Variants in NEK10 observed in about 807,000 individuals in gnomAD.
NEK10 encodes NIMA related kinase 10, also known as serine/threonine-protein kinase Nek10.
NEK10 carries 122 observed loss-of-function variants against 159.8 expected under a neutral mutation model. The ratio of observed to expected loss-of-function variants is 0.76; its 90% CI spans 0.66 to 0.89. The LOEUF (loss-of-function observed/expected upper bound fraction) is 0.89, where lower values mean the gene tolerates loss of function less well. NEK10 is among the 40% of genes least tolerant of loss of function. NEK10 has a pLI of 0.00. For synonymous variants in NEK10, 466 were observed against 457.1 expected (o/e 1.02, Z -0.25); for missense variants, 1,342 against 1,323.1 (o/e 1.01, Z -0.22).
chr3:27,318,901 T>C (rs1159573815), intron 6 of NEK10, among the ~76,000 whole-genome samples: 1 of 151,678 alleles, frequency 6.6e-6, no homozygotes, highest in African/African-American at 2.4e-5. Context: ...TTGGAAGATA[T>C]GGGAGAAGAC....
chr3:27,317,258 A>G (rs2045273376), intron 6 of NEK10, among the ~76,000 whole-genome samples: 1 of 152,218 alleles, frequency 6.6e-6, no homozygotes, highest in Admixed American at 6.5e-5. Context: ...TGTAAACTAA[A>G]GAAAACCATG....
At chr3:27,345,089 A>T (rs911598767) in intron 4 of NEK10, among the ~76,000 whole-genome samples, 8 of 152,248 alleles carry the variant, frequency 5.3e-5, no homozygotes, top group Admixed American at 5.2e-4. Flanking sequence ...ATGATACAAT[A>T]TTTTTGTGCA....
intron 32 of NEK10, among the ~76,000 whole-genome samples, chr3:27,125,657 A>T (rs142447380): frequency 2.0e-3 from 310 of 152,300 alleles, no homozygotes; most frequent in Non-Finnish European, 3.4e-3. Context: ...TTTCTTATAC[A>T]TACACACACA....
At chr3:27,305,257 T>C (rs2044146344) in intron 11 of NEK10, among the ~76,000 whole-genome samples, 1 of 152,202 alleles carries the variant, frequency 6.6e-6, no homozygotes, top group African/African-American at 2.4e-5. Flanking sequence ...TAAATCTTTA[T>C]TTACAAAAAT....
intron 26 of NEK10, among the ~76,000 whole-genome samples, chr3:27,177,352 G>A (rs750529365): frequency 3.9e-5 from 6 of 152,046 alleles, no homozygotes; most frequent in East Asian, 1.9e-4. Context: ...GATCATCCTG[G>A]CTAACACAGT....
chr3:27,286,359 T>G (rs2042606730), intron 20 of NEK10, among the ~76,000 whole-genome samples: 1 of 151,478 alleles, frequency 6.6e-6, no homozygotes, highest in South Asian at 2.1e-4. Flanking sequence ...GTGGTGGGAT[T>G]ACAAGTGTGA....
intron 23 of NEK10, among the ~76,000 whole-genome samples, chr3:27,232,277 G>C (rs1953378029): frequency 6.6e-6 from 1 of 151,628 alleles, no homozygotes; most frequent in Admixed American, 6.6e-5. Flanking sequence ...GAATGACCAA[G>C]CTGAGAATCA....
At chr3:27,294,698 A>G (rs1438962885) in intron 15 of NEK10, among the ~76,000 whole-genome samples, 1 of 152,096 alleles carries the variant, frequency 6.6e-6, no homozygotes, top group Non-Finnish European at 1.5e-5. Context: ...TTTGGCCATC[A>G]TTTTGGATGA....
chr3:27,222,584 A>AT (rs1052550348), intron 23 of NEK10, among the ~76,000 whole-genome samples: 13 of 152,124 alleles, frequency 8.5e-5, no homozygotes, highest in Non-Finnish European at 5.9e-5. Flanking sequence ...ATGTATATAC[A>AT]TTTTTTCAAA....
At chr3:27,268,342 T>C (rs1428948921) in intron 22 of NEK10, among the ~76,000 whole-genome samples, 1 of 152,208 alleles carries the variant, frequency 6.6e-6, no homozygotes, top group Non-Finnish European at 1.5e-5. Flanking sequence ...TGAAAGAAGA[T>C]GCCATCTAGG....
chr3:27,302,119 C>A (rs977416451), intron 12 of NEK10, among the ~76,000 whole-genome samples: 1 of 152,192 alleles, frequency 6.6e-6, no homozygotes, highest in East Asian at 1.9e-4. Flanking sequence ...GTTGATTCAC[C>A]TGAATACATC....
At chr3:27,244,571 A>C (rs1394375685) in intron 23 of NEK10, among the ~76,000 whole-genome samples, 1 of 152,186 alleles carries the variant, frequency 6.6e-6, no homozygotes, top group Admixed American at 6.5e-5. Context: ...ACGAGTAGGC[A>C]GTATAGGTAT....
intron 26 of NEK10, among the ~76,000 whole-genome samples, chr3:27,175,433 T>C (rs1265695047): frequency 2.0e-5 from 3 of 152,346 alleles, no homozygotes; most frequent in East Asian, 3.9e-4. Flanking sequence ...ATTTCCATTA[T>C]GATAGCACTA....
intron 5 of NEK10, among the ~76,000 whole-genome samples, chr3:27,329,505 C>T (rs892299803): frequency 6.6e-6 from 1 of 152,134 alleles, no homozygotes; most frequent in Non-Finnish European, 1.5e-5. Flanking sequence ...AACTTATGTA[C>T]TCATGAGAAA....
chr3:27,119,800 A>G lies in NEK10; in HGVS notation c.3150T>C (p.Arg1050=). 2.5e-6 allele frequency: 4 copies of G among 1,614,022 alleles called. No homozygotes were observed. Among genetic ancestry groups the G allele is most frequent in the Non-Finnish European group, 1.7e-6 (2 of 1,179,916 alleles). ...GGGACAGGCTGTTTCCACCGGATGA[A>G]CGATGTAATAAATGGTAATCTGCTG... ...FFTADYHLLH[R]SSGGNSLSPN... is the part of the protein sequence containing the mutation. The change falls in exon 33 of 36, where the codon CGT becomes CGC. Residue 1050 remains arginine (R), a synonymous_variant. Coordinates refer to ENST00000691995, the MANE Select transcript of NEK10 (RefSeq NM_001394966.1).
intron 7 of NEK10, among the ~76,000 whole-genome samples, chr3:27,312,875 A>G (rs1353822346): frequency 2.0e-5 from 3 of 152,214 alleles, no homozygotes; most frequent in African/African-American, 7.2e-5. Context: ...TTCTAAGAAT[A>G]TAATAAAATA....
At chr3:27,141,003 T>TTTCTCAGTG (rs984014074) in intron 31 of NEK10, among the ~76,000 whole-genome samples, 18 of 152,318 alleles carry the variant, frequency 1.2e-4, no homozygotes, top group African/African-American at 4.1e-4. Flanking sequence ...CACTGATTAT[T>TTTCTCAGTG]TTCTCAGTGC....
chr3:27,242,092 T>A (rs181400499), intron 23 of NEK10, among the ~76,000 whole-genome samples: 14 of 152,316 alleles, frequency 9.2e-5, no homozygotes, highest in Admixed American at 5.9e-4. Flanking sequence ...GGGACATGCA[T>A]ACTAGAATTG....
At chr3:27,156,111 T>G (rs1945390530) in intron 30 of NEK10, among the ~76,000 whole-genome samples, 1 of 152,086 alleles carries the variant, frequency 6.6e-6, no homozygotes, top group African/African-American at 2.4e-5. Flanking sequence ...TGGACCCTCA[T>G]CTGTCACCCC....
Sources: allele counts gnomAD v4.1 joint callset (sites outside exome capture counted in the v4.1 genomes callset), GRCh38; gene constraint gnomAD v4.1.1; transcripts MANE v1.5; gene names NCBI Gene and HGNC (gene_info 2026-07-23, HGNC 2026-07-21).